Variants in TMEM117 observed in about 807,000 individuals in gnomAD.
TMEM117 encodes the protein transmembrane protein 117.
TMEM117 carries 27 observed loss-of-function variants against 52.4 expected under a neutral mutation model. The observed-to-expected ratio is 0.51, with a 90% CI of 0.38 to 0.71. The LOEUF is 0.71. Among genes scored for constraint, TMEM117 ranks in the 30% least tolerant of loss-of-function variants. The pLI, the probability that TMEM117 is intolerant of heterozygous loss-of-function variation, is 0.00. For synonymous variants in TMEM117, 215 were observed against 206.3 expected (o/e 1.04, Z -0.36); for missense variants, 556 against 630.5 (o/e 0.88, Z 1.26).
intron 6 of TMEM117, among the ~76,000 whole-genome samples, chr12:44,300,420 A>G (rs1950824913): frequency 6.6e-6 from 1 of 151,908 alleles, no homozygotes; most frequent in Non-Finnish European, 1.5e-5. Context: ...TTTGTTAGAC[A>G]TTTTCTTATT....
intron 3 of TMEM117, among the ~76,000 whole-genome samples, chr12:43,962,182 T>G (rs1945415134): frequency 6.6e-6 from 1 of 152,226 alleles, no homozygotes; most frequent in African/African-American, 2.4e-5. Flanking sequence ...AGGTAATACT[T>G]TTTTTCATAG....
intron 4 of TMEM117, among the ~76,000 whole-genome samples, chr12:44,204,178 C>T (rs1949533991): frequency 6.6e-6 from 1 of 152,066 alleles, no homozygotes; most frequent in South Asian, 2.1e-4. Flanking sequence ...ACTTAGAAAA[C>T]CCTAAAAGGC....
chr12:44,263,102 A>G (rs563532374), intron 5 of TMEM117, among the ~76,000 whole-genome samples: 1 of 152,312 alleles, frequency 6.6e-6, no homozygotes, highest in Admixed American at 6.5e-5. Context: ...TAACACTTTA[A>G]ATAGGCTGGT....
intron 6 of TMEM117, among the ~76,000 whole-genome samples, chr12:44,331,501 C>G (rs1378951557): frequency 1.3e-5 from 2 of 151,986 alleles, no homozygotes; most frequent in African/African-American, 4.8e-5. Flanking sequence ...AGCCTCCACA[C>G]TCAAGAGTTA....
intron 4 of TMEM117, among the ~76,000 whole-genome samples, chr12:44,176,900 G>A (rs1949123238): frequency 6.6e-6 from 1 of 151,918 alleles, no homozygotes. Flanking sequence ...ACAAGAAGAG[G>A]GTAACAGTGT....
the TMEM117 span, among the ~76,000 whole-genome samples, chr12:43,819,724 C>G: frequency 6.6e-6 from 1 of 151,602 alleles, no homozygotes; most frequent in Admixed American, 6.6e-5. Context: ...TGCGGTGAGC[C>G]GAGATTGCGC....
chr12:44,346,906 A>T (rs1463480080), intron 6 of TMEM117, among the ~76,000 whole-genome samples: 48 of 152,232 alleles, frequency 3.2e-4, no homozygotes, highest in Non-Finnish European at 1.5e-5. Flanking sequence ...ATTGAAAATA[A>T]TGCTCTTCTG....
upstream of TMEM117, among the ~76,000 whole-genome samples, chr12:43,834,431 G>A (rs543345253): frequency 7.2e-5 from 11 of 152,272 alleles, no homozygotes; most frequent in South Asian, 1.2e-3. Context: ...TGCCCTTGAA[G>A]AGTTCATAGC....
intron 5 of TMEM117, 135 bp from the exon 6 acceptor site, chr12:44,299,445 C>T: frequency 8.4e-7 from 1 of 1,195,566 alleles, no homozygotes; most frequent in South Asian, 1.8e-5. Flanking sequence ...CTTTTTTCAT[C>T]TTCCTTTTGG....
At chr12:43,882,977 A>G (rs1360881126) in intron 2 of TMEM117, among the ~76,000 whole-genome samples, 35 of 152,216 alleles carry the variant, frequency 2.3e-4, no homozygotes, top group African/African-American at 4.8e-5. Flanking sequence ...GGTTGAGACA[A>G]TATAATAAGA....
chr12:43,933,688 G>A (rs564098570), intron 2 of TMEM117, among the ~76,000 whole-genome samples: 10 of 151,948 alleles, frequency 6.6e-5, no homozygotes, highest in African/African-American at 2.2e-4. Context: ...TCAGCCTCCC[G>A]AGTAGCTGGG....
intron 2 of TMEM117, among the ~76,000 whole-genome samples, chr12:43,853,607 G>A (rs1041729033): frequency 1.3e-5 from 2 of 152,042 alleles, no homozygotes; most frequent in African/African-American, 4.8e-5. Flanking sequence ...GATATAGAAA[G>A]GTATTTATTT....
intron 4 of TMEM117, among the ~76,000 whole-genome samples, chr12:44,208,174 T>C (rs1050078923): frequency 6.6e-6 from 1 of 152,176 alleles, no homozygotes; most frequent in African/African-American, 2.4e-5. Flanking sequence ...ATTTACTGAC[T>C]TTTAAACCTC....
rs1481129446 is a variant in TMEM117 at position 44,111,673 on chromosome 12, T to C, written c.411-31852T>C. 2.9e-5 allele frequency among the ~76,000 whole-genome samples: 4 copies of C among 137,568 alleles called. No homozygotes were observed. In the East Asian group the frequency reaches 8.6e-4, roughly 30 times the overall value. The allele number at this position is 137,568 out of a possible 152,430, so 90.2% of individuals were successfully genotyped here. A position where few individuals can be genotyped will look rare whatever the true frequency, so the allele number is the denominator to read the frequency against. The stretch of plus-strand genomic sequence containing the variant: ...AGGTGTGGTGTGGTGCTGAGAAAAA[T>C]GTATATTCTGTTGATTTGGGGTGGA... On this transcript the variant is annotated intron_variant, in intron 3 of 7. Transcript: ENST00000266534.
chr12:44,094,573 A>G (rs899341060), intron 3 of TMEM117, among the ~76,000 whole-genome samples: 1 of 152,136 alleles, frequency 6.6e-6, no homozygotes, highest in African/African-American at 2.4e-5. Flanking sequence ...GCAATTCTAG[A>G]TGGTTGATAA....
intron 3 of TMEM117, among the ~76,000 whole-genome samples, chr12:44,006,859 C>G (rs953191514): frequency 1.3e-5 from 2 of 152,064 alleles, no homozygotes; most frequent in Non-Finnish European, 2.9e-5. Context: ...TGTATCTCTC[C>G]CAAATATTCT....
At chr12:43,981,191 C>T (rs745620285) in intron 3 of TMEM117, among the ~76,000 whole-genome samples, 2 of 152,192 alleles carry the variant, frequency 1.3e-5, no homozygotes, top group Non-Finnish European at 2.9e-5. Flanking sequence ...ATTTTCACCA[C>T]ATCTCAAGTC....
intron 3 of TMEM117, among the ~76,000 whole-genome samples, chr12:44,053,481 A>G (rs1485290232): frequency 6.6e-6 from 1 of 152,128 alleles, no homozygotes; most frequent in Non-Finnish European, 1.5e-5. Flanking sequence ...GAGAGTTTTT[A>G]TCTAGGTTTC....
intron 3 of TMEM117, among the ~76,000 whole-genome samples, chr12:44,034,345 C>T (rs1249910493): frequency 5.3e-5 from 8 of 152,136 alleles, no homozygotes; most frequent in Non-Finnish European, 1.0e-4. Flanking sequence ...GCTCTATCCT[C>T]GGGTTCTTAT....
Sources: allele counts gnomAD v4.1 joint callset (sites outside exome capture counted in the v4.1 genomes callset), GRCh38; gene constraint gnomAD v4.1.1; transcripts MANE v1.5; gene names NCBI Gene and HGNC (gene_info 2026-07-23, HGNC 2026-07-21).